Variants in SRRM3 observed in about 807,000 individuals in gnomAD.
SRRM3 encodes serine/arginine repetitive matrix 3.
SRRM3 carries 27 observed loss-of-function variants against 66.2 expected under a neutral mutation model. The observed-to-expected ratio is 0.41, with a 90% confidence interval of 0.30 to 0.56. The LOEUF (loss-of-function observed/expected upper bound fraction) is 0.56. SRRM3 is among the 20% of genes least tolerant of loss of function. The probability of loss-of-function intolerance (pLI) is 0.32; values close to 1 mark genes in which losing one functional copy is unlikely to be tolerated. For synonymous variants in SRRM3, 391 were observed against 414.9 expected (o/e 0.94, Z 0.70); for missense variants, 918 against 991.9 (o/e 0.93, Z 1.00).
rs116915621 is a variant in SRRM3 at position 76,212,157 on chromosome 7, G to A, written c.-40+10090G>A. ...CTGTGAGCCACTGCACCCAGCTGAGGTCTGCTTTTTTTTTTTTTTTTTTGA... is the reference window on the plus strand; with the variant it reads ...CTGTGAGCCACTGCACCCAGCTGAGATCTGCTTTTTTTTTTTTTTTTTTGA... On this transcript the variant is annotated intron_variant, in intron 1 of 14. Transcript: ENST00000611745. Among the ~76,000 whole-genome samples, 661 of 128,824 alleles carry A rather than the reference G, an allele frequency of 5.1e-3. 4 individuals are homozygous for A. The highest frequency in any genetic ancestry group is 6.5e-3 in the Non-Finnish European group (414 of 63,716). 84.5% of individuals were successfully genotyped at this position (128,824 alleles called of 152,430 possible).
intron 1 of SRRM3, among the ~76,000 whole-genome samples, chr7:76,206,862 C>T (rs112450390): frequency 5.3e-5 from 8 of 152,308 alleles, no homozygotes; most frequent in African/African-American, 1.7e-4. Context: ...GCTGCTGTGC[C>T]GGCGGAAGCT....
At chr7:76,246,649 G>T (rs146213243) in intron 2 of SRRM3, among the ~76,000 whole-genome samples, 1 of 152,126 alleles carries the variant, frequency 6.6e-6, no homozygotes, top group Non-Finnish European at 1.5e-5. Context: ...GAACCAACTC[G>T]GAGGCCTAGG....
chr7:76,263,243 G>A (rs555374238), intron 8 of SRRM3, among the ~76,000 whole-genome samples: 1 of 152,308 alleles, frequency 6.6e-6, no homozygotes, highest in South Asian at 2.1e-4. Flanking sequence ...CCCAAAGCAG[G>A]CTCCAGCACC....
At chr7:76,232,429 G>A (rs142991897) in intron 1 of SRRM3, among the ~76,000 whole-genome samples, 2,049 of 152,124 alleles carry the variant, frequency 0.013, 23 homozygotes, top group Non-Finnish European at 0.022. Flanking sequence ...AAAATTAGCC[G>A]GGCAAGGTGG....
At chr7:76,215,403 T>A (rs1018186800) in intron 1 of SRRM3, among the ~76,000 whole-genome samples, 1 of 145,516 alleles carries the variant, frequency 6.9e-6, no homozygotes, top group Non-Finnish European at 1.5e-5. Flanking sequence ...AGTTTTTTTT[T>A]TTTTTTTTTT....
At chr7:76,246,125 C>G (rs528130508) in intron 2 of SRRM3, among the ~76,000 whole-genome samples, 1 of 152,156 alleles carries the variant, frequency 6.6e-6, no homozygotes, top group African/African-American at 2.4e-5. Flanking sequence ...GACAAATAAG[C>G]CTTAGTCATT....
intron 12 of SRRM3, 27 bp from the exon 13 acceptor site, chr7:76,282,621 C>T: frequency 7.3e-7 from 1 of 1,377,088 alleles, no homozygotes; most frequent in South Asian, 1.5e-5. Context: ...TCGCTGAGCC[C>T]TATCCCGCGC....
chr7:76,221,745 G>A (rs1554603237), intron 1 of SRRM3, among the ~76,000 whole-genome samples: 1 of 152,174 alleles, frequency 6.6e-6, no homozygotes, highest in East Asian at 1.9e-4. Flanking sequence ...ATTGGGCTAT[G>A]AGTGTTTGTA....
chr7:76,279,118 A>G (rs1304353716), intron 11 of SRRM3, among the ~76,000 whole-genome samples: 1 of 151,946 alleles, frequency 6.6e-6, no homozygotes, highest in Non-Finnish European at 1.5e-5. Flanking sequence ...AATTAGCCAG[A>G]TGTGGTGACA....
intron 1 of SRRM3, among the ~76,000 whole-genome samples, chr7:76,215,099 A>C (rs2116947358): frequency 6.6e-6 from 1 of 152,236 alleles, no homozygotes; most frequent in Admixed American, 6.6e-5. Flanking sequence ...AAATATGCAA[A>C]ATATTAAACT....
chr7:76,269,109 C>G (rs1054724579), intron 11 of SRRM3: 2 of 152,410 alleles, frequency 1.3e-5, no homozygotes, highest in African/African-American at 4.8e-5. Flanking sequence ...AAAATGGCCA[C>G]AGCATCTAGG....
intron 1 of SRRM3, among the ~76,000 whole-genome samples, chr7:76,204,610 G>C (rs1800250592): frequency 6.6e-6 from 1 of 152,146 alleles, no homozygotes; most frequent in African/African-American, 2.4e-5. Flanking sequence ...AGGCACTGTA[G>C]GCCAGTGAGT....
At position 76,228,897 on chromosome 7, in the gene SRRM3, G is replaced by A. The variant is rs1171095770; in HGVS notation, c.-39-6131G>A. On this transcript the variant is annotated intron_variant, in intron 1 of 14. Transcript: ENST00000611745. ...GGGGACGTGAGCAATTTCATCCCCA[G>A]AGACTTTTTTTTTTTTTTTGAGACA... Among the ~76,000 whole-genome samples the A allele has an allele frequency of 3.7e-5, 5 of 134,762 alleles. No individual in the cohort carries two copies. The East Asian group carries it at 6.3e-4, about 17-fold the overall frequency. 88.4% of individuals were successfully genotyped at this position (134,762 alleles called of 152,430 possible).
chr7:76,281,844 C>CCCCCCCGGGG, intron 12 of SRRM3, 42 bp downstream of exon 12: 4 of 1,206,382 alleles, frequency 3.3e-6, no homozygotes, highest in East Asian at 4.3e-5. Flanking sequence ...GCCCCCACCC[C>CCCCCCCGGGG]GCACAGGGCT....
chr7:76,285,486 T>C lies in SRRM3; in HGVS notation c.1734-129T>C, dbSNP rs1802639320. 4 of 695,040 alleles carry C rather than the reference T, an allele frequency of 5.8e-6. No homozygotes were observed. The highest frequency in any genetic ancestry group is 9.7e-6 in the Non-Finnish European group (4 of 411,832). 43.1% of individuals were successfully genotyped at this position (695,040 alleles called of 1,614,324 possible). On this transcript the variant is annotated intron_variant, in intron 14 of 14. Coordinates refer to ENST00000611745, the MANE Select transcript of SRRM3 (RefSeq NM_001110199.3). The surrounding 1 kb of genome is among the most constrained non-coding windows in gnomAD (Gnocchi z 4.1). The stretch of plus-strand genomic sequence containing the variant: ...TTGCAAGTAACCAATGACCGTCAGA[T>C]TCCATTTGGAGAAGGCAGGTGTCTC...
chr7:76,270,074 C>G (rs774443416), intron 11 of SRRM3: 8 of 152,124 alleles, frequency 5.3e-5, no homozygotes, highest in Non-Finnish European at 1.2e-4. Context: ...CTGGAGCTGC[C>G]GCAGATTTTA....
intron 1 of SRRM3, among the ~76,000 whole-genome samples, chr7:76,214,080 C>T (rs1453632299): frequency 6.6e-6 from 1 of 152,096 alleles, no homozygotes; most frequent in Non-Finnish European, 1.5e-5. Flanking sequence ...GCCCAACCCT[C>T]TCTGGGATTT....
At chr7:76,280,907 C>G (rs1802480246) in intron 11 of SRRM3, among the ~76,000 whole-genome samples, 1 of 151,100 alleles carries the variant, frequency 6.6e-6, no homozygotes, top group Non-Finnish European at 1.5e-5. Context: ...TCTCTTCGCT[C>G]TTTCTCTCTT....
chr7:76,260,178 G>C lies in SRRM3; in HGVS notation c.526G>C (p.Gly176Arg). ...PPPKKKKKKK[G>R]GHRRSRKKRR... ...TCCCAAGAAAAAGAAGAAAAAGAAA[G>C]GCGGCCACCGGAGAAGCCGGTGAGA... The change falls in exon 5 of 15, where the codon GGC (glycine) becomes CGC (arginine). Residue 176 changes from glycine (G) to arginine (R), a missense_variant. By Grantham distance (125) the Gly-to-Arg change is moderately radical. Transcript: ENST00000611745. The C allele has an allele frequency of 6.5e-7, 1 of 1,539,412 alleles. No homozygotes were observed. Among genetic ancestry groups the C allele is most frequent in the South Asian group, 1.2e-5 (1 of 83,264 alleles).
Sources: gnomAD v4.1 joint callset for allele counts (sites outside exome capture counted in the v4.1 genomes callset) on GRCh38, gnomAD v4.1.1 for gene constraint, Gnocchi (gnomAD v3.1) non-coding constraint, MANE v1.5 for transcripts, NCBI Gene and HGNC (gene_info 2026-07-23, HGNC 2026-07-21) for gene names.